The following TMEM120B variants were observed in gnomAD, a reference collection of about 807,000 sequenced individuals.
TMEM120B encodes transmembrane protein 120B.
A neutral mutation model predicts 55.5 loss-of-function variants in TMEM120B; 31 were observed. The ratio of observed to expected loss-of-function variants is 0.56; its 90% confidence interval spans 0.42 to 0.75. TMEM120B has a LOEUF of 0.75. Ranked by LOEUF, TMEM120B falls within the 30% of genes least tolerant of loss-of-function variation. The pLI, the probability that TMEM120B is intolerant of heterozygous loss-of-function variation, is 0.00. For synonymous variants in TMEM120B, 203 were observed against 176.3 expected, an observed-to-expected ratio of 1.15 and a Z score of -1.20; for missense variants, 399 against 425.5, an observed-to-expected ratio of 0.94 and a Z score of 0.55.
chr12:121,773,464 C>T lies in TMEM120B; in HGVS notation c.723C>T (p.Leu241=). ...FLQYYYQRGC[L]YRLRALGERN... ...AATATTATTACCAGAGGGGCTGCCT[C>T]TACCGGCTGCGGGCCCTGGGGGAGA... The change falls in exon 9 of 12, where the codon CTC becomes CTT. Residue 241 remains leucine (L), a synonymous_variant. Coordinates refer to ENST00000449592, the MANE Select transcript of TMEM120B (RefSeq NM_001080825.2). The T allele has an allele frequency of 6.2e-7, 1 of 1,609,708 alleles. No homozygotes were observed. The highest frequency in any genetic ancestry group is 1.7e-4 in the Middle Eastern group (1 of 6,014).
In TMEM120B at chr12:121,776,171, C is replaced by T. The variant is rs1874240381; in HGVS notation, c.*449C>T. The T allele has an allele frequency of 5.9e-6, 2 of 340,872 alleles. No homozygotes were observed. Among genetic ancestry groups the T allele is most frequent in the Non-Finnish European group, 1.1e-5 (2 of 188,730 alleles). The allele number at this position is 340,872 out of a possible 1,614,324, so 21.1% of individuals were successfully genotyped here. On this transcript the variant is annotated 3_prime_UTR_variant, in exon 12 of 12. Transcript: ENST00000449592. ...TCAGTGTCCTGTGGCGCCCCCACCC[C>T]GGGGCCACTCTGCTTCTGCTGTGAG...
At chr12:121,774,117 G>A (rs10082850) in intron 9 of TMEM120B, among the ~76,000 whole-genome samples, 24,335 of 151,936 alleles carry the variant, frequency 0.16, 2,045 homozygotes, top group African/African-American at 0.18. Context: ...CACCACGCCC[G>A]GCTAATTTTT....
intron 1 of TMEM120B, among the ~76,000 whole-genome samples, chr12:121,717,722 A>G (rs912653692): frequency 1.1e-4 from 17 of 152,044 alleles, no homozygotes; most frequent in African/African-American, 4.1e-4. Flanking sequence ...CAGTGGCTCG[A>G]TCTCAGCTCA....
chr12:121,736,157 G>A (rs1895106283), intron 1 of TMEM120B, among the ~76,000 whole-genome samples: 1 of 146,510 alleles, frequency 6.8e-6, no homozygotes, highest in Non-Finnish European at 1.5e-5. Flanking sequence ...TCAAGTTACT[G>A]TTGCACATTT....
At chr12:121,771,369 G>T in intron 7 of TMEM120B, 119 bp from the exon 8 acceptor site, 1 of 873,830 alleles carries the variant, frequency 1.1e-6, no homozygotes, top group Non-Finnish European at 1.9e-6. Context: ...CGGAAGTCTG[G>T]ACCTCAGTTT....
chr12:121,722,842 A>C (rs1894820325), intron 1 of TMEM120B, among the ~76,000 whole-genome samples: 1 of 128,836 alleles, frequency 7.8e-6, no homozygotes, highest in Non-Finnish European at 1.6e-5. Flanking sequence ...CAGTTTTTTA[A>C]ATTTACTTTT....
intron 2 of TMEM120B, among the ~76,000 whole-genome samples, chr12:121,746,958 A>G (rs1188684962): frequency 8.1e-6 from 1 of 122,818 alleles, no homozygotes; most frequent in African/African-American, 3.9e-5. Context: ...ACTCTGTCTC[A>G]AAAAAAAAAA....
intron 2 of TMEM120B, among the ~76,000 whole-genome samples, chr12:121,746,250 C>T (rs1465655356): frequency 6.8e-5 from 10 of 146,552 alleles, no homozygotes; most frequent in South Asian, 2.2e-4. Flanking sequence ...TGCAATGGTG[C>T]GATCTTGGCT....
At chr12:121,767,773 G>A (rs1013653405) in intron 6 of TMEM120B, among the ~76,000 whole-genome samples, 1 of 152,204 alleles carries the variant, frequency 6.6e-6, no homozygotes, top group African/African-American at 2.4e-5. Context: ...AGCCTCACCC[G>A]ATGTCACTGA....
At position 121,750,365 on chromosome 12, in the gene TMEM120B, GGTGTTT is replaced by G; in HGVS notation, c.306-14_306-9del. On this transcript the variant is annotated splice_polypyrimidine_tract_variant and intron_variant, in intron 3 of 11. Coordinates refer to ENST00000449592, the MANE Select transcript of TMEM120B (RefSeq NM_001080825.2). Reference sequence around the variant, plus strand: ...CCTGCTAAGGATCATGCCCCTCACAGGTGTTTCCTTCCAGGCTCTACTTGAACCTGG... The same window carrying G: ...CCTGCTAAGGATCATGCCCCTCACAGCCTTCCAGGCTCTACTTGAACCTGG... 1 of 1,612,044 alleles carries G rather than the reference GGTGTTT, an allele frequency of 6.2e-7. No individual in the cohort carries two copies. The highest frequency in any genetic ancestry group is 2.2e-5 in the East Asian group (1 of 44,868).
chr12:121,727,435 C>T (rs1312150657), intron 1 of TMEM120B, among the ~76,000 whole-genome samples: 1 of 150,600 alleles, frequency 6.6e-6, no homozygotes, highest in Non-Finnish European at 1.5e-5. Context: ...TCTCGGGAGG[C>T]TGAGGCAGGA....
chr12:121,771,115 G>A (rs542106552), intron 7 of TMEM120B, 143 bp downstream of exon 7: 49 of 923,228 alleles, frequency 5.3e-5, no homozygotes, highest in Middle Eastern at 3.1e-4. Context: ...CTGCAGCTGC[G>A]CCGGGCTGCG....
At chr12:121,720,607 T>G (rs1592922541) in intron 1 of TMEM120B, among the ~76,000 whole-genome samples, 1 of 151,642 alleles carries the variant, frequency 6.6e-6, no homozygotes, top group African/African-American at 2.4e-5. Context: ...GCTACTCGGG[T>G]GGTTGAGAGA....
Position 121,776,259 on chromosome 12 carries a change from G to A in TMEM120B, c.*537G>A, listed in dbSNP as rs918455376. On this transcript the variant is annotated 3_prime_UTR_variant, in exon 12 of 12. Coordinates refer to ENST00000449592, the MANE Select transcript of TMEM120B (RefSeq NM_001080825.2). ...TTTTAAGTTCTCAGAGACCCACCGC[G>A]TCTGCCTCGTGCTCTTCTTGCCCCT... 5.1e-5 allele frequency: 6 copies of A among 118,714 alleles called. No individual in the cohort carries two copies. Among genetic ancestry groups the A allele is most frequent in the East Asian group, 4.9e-4 (2 of 4,060 alleles). The allele number at this position is 118,714 out of a possible 1,614,324, so 7.4% of individuals were successfully genotyped here.
chr12:121,766,656 T>C (rs969463281), intron 6 of TMEM120B, among the ~76,000 whole-genome samples: 7 of 152,006 alleles, frequency 4.6e-5, no homozygotes, highest in African/African-American at 1.4e-4. Context: ...TGGCTGGGGG[T>C]CATGTGCTTG....
chr12:121,757,733 G>T (rs537345497), intron 5 of TMEM120B, among the ~76,000 whole-genome samples: 1 of 152,164 alleles, frequency 6.6e-6, no homozygotes, highest in Non-Finnish European at 1.5e-5. Flanking sequence ...AGCCAGGATG[G>T]TCTCGATCTC....
chr12:121,775,719 G>GT lies in TMEM120B; in HGVS notation c.1018dup (p.Ter340LeufsTer51). On this transcript the variant is annotated frameshift_variant, in exon 12 of 12. Transcript: ENST00000449592. LOFTEE classifies it high-confidence loss of function. This position sits in a 1 kb window ranked among gnomAD's most constrained non-coding sequence, Gnocchi z 4.3. ...AGAACAGAGGCAAGACAAAGCAGCC[G>GT]TGAGCCTCGGGCTCCTGTGCCCTCG... is the stretch of plus-strand genomic sequence containing the variant. 1 of 1,613,816 alleles carries GT rather than the reference G, an allele frequency of 6.2e-7. No homozygotes were observed. Among genetic ancestry groups the GT allele is most frequent in the Non-Finnish European group, 8.5e-7 (1 of 1,179,980 alleles).
At chr12:121,743,566 AG>A in intron 1 of TMEM120B, 62 bp from the exon 2 acceptor site, 1 of 1,315,574 alleles carries the variant, frequency 7.6e-7, no homozygotes, top group Non-Finnish European at 1.1e-6. Context: ...AAAAAAAAAA[AG>A]AAAAGAAAAT....
At chr12:121,771,666 G>C (rs1047162583) in intron 8 of TMEM120B, 117 bp downstream of exon 8, 6 of 1,047,856 alleles carry the variant, frequency 5.7e-6, no homozygotes, top group African/African-American at 1.6e-5. Flanking sequence ...AGACCAGACT[G>C]GGGGAGAGGG....
Sources: allele counts gnomAD v4.1 joint callset (sites outside exome capture counted in the v4.1 genomes callset), GRCh38; gene constraint gnomAD v4.1.1; non-coding constraint Gnocchi (gnomAD v3.1); transcripts MANE v1.5; gene names NCBI Gene and HGNC (gene_info 2026-07-23, HGNC 2026-07-21).